The following EBF2 variants were observed in gnomAD, a reference collection of about 807,000 sequenced individuals.
EBF2 encodes the protein transcription factor COE2.
Under a neutral mutation model 72.8 loss-of-function variants are expected in EBF2, and 21 were observed. The observed-to-expected ratio is 0.29, with a 90% CI of 0.20 to 0.42. The LOEUF (loss-of-function observed/expected upper bound fraction) is 0.42. Ranked by LOEUF, EBF2 falls within the 10% of genes least tolerant of loss-of-function variation. The probability of loss-of-function intolerance (pLI) is 1.00; values close to 1 mark genes in which losing one functional copy is unlikely to be tolerated. For missense variants in EBF2, 637 were observed against 731.2 expected (o/e 0.87, Z 1.49); for synonymous variants, 299 against 274.2 (o/e 1.09, Z -0.89).
intron 6 of EBF2, among the ~76,000 whole-genome samples, chr8:25,914,756 C>T (rs905256467): frequency 1.3e-5 from 2 of 152,172 alleles, no homozygotes; most frequent in Non-Finnish European, 2.9e-5. Flanking sequence ...TTTTTGTAAG[C>T]TGATGTTCTA....
intron 14 of EBF2, 75 bp downstream of exon 14, chr8:25,858,244 T>A: frequency 6.4e-7 from 1 of 1,564,636 alleles, no homozygotes; most frequent in Admixed American, 1.7e-5. Flanking sequence ...AAATGCAACT[T>A]TCTCCCAAAA....
intron 6 of EBF2, among the ~76,000 whole-genome samples, chr8:25,978,706 G>A (rs529747898): frequency 1.9e-4 from 29 of 152,292 alleles, no homozygotes; most frequent in Admixed American, 7.2e-4. Context: ...CATGTGCTTT[G>A]CCCAAGGAAA....
intron 6 of EBF2, among the ~76,000 whole-genome samples, chr8:25,958,683 A>T (rs1222326087): frequency 2.6e-5 from 4 of 152,144 alleles, no homozygotes; most frequent in Admixed American, 2.6e-4. Context: ...GTGCTATTGG[A>T]ATCTGAGCCT....
At chr8:25,981,690 G>A (rs952483937) in intron 6 of EBF2, among the ~76,000 whole-genome samples, 1 of 151,814 alleles carries the variant, frequency 6.6e-6, no homozygotes, top group Admixed American at 6.6e-5. Flanking sequence ...CAGCTACTAG[G>A]GAGGCTGAGG....
intron 6 of EBF2, among the ~76,000 whole-genome samples, chr8:25,914,801 T>C (rs1417342251): frequency 6.6e-6 from 1 of 152,260 alleles, no homozygotes. Flanking sequence ...CCTCAAACTG[T>C]AAAAATAAAC....
At chr8:25,880,030 T>C (rs1317311327) in intron 10 of EBF2, among the ~76,000 whole-genome samples, 7 of 152,246 alleles carry the variant, frequency 4.6e-5, no homozygotes, top group African/African-American at 1.2e-4. Flanking sequence ...GCTAGCTTTC[T>C]ATTTGGATAT....
At chr8:25,959,996 C>T (rs1401360891) in intron 6 of EBF2, among the ~76,000 whole-genome samples, 1 of 152,208 alleles carries the variant, frequency 6.6e-6, no homozygotes, top group East Asian at 1.9e-4. Flanking sequence ...AATTCCCAGC[C>T]TATTCACCTT....
At chr8:25,855,275 T>C (rs1005958012) in intron 14 of EBF2, among the ~76,000 whole-genome samples, 2 of 152,036 alleles carry the variant, frequency 1.3e-5, no homozygotes, top group African/African-American at 4.8e-5. Flanking sequence ...AGCTAAGGGG[T>C]CTGTCAGCAT....
At chr8:25,906,220 A>G (rs1472340621) in intron 7 of EBF2, among the ~76,000 whole-genome samples, 2 of 152,224 alleles carry the variant, frequency 1.3e-5, no homozygotes, top group South Asian at 2.1e-4. Context: ...AAACTCTTTG[A>G]AAGTGCTGGT....
chr8:25,847,542 C>T (rs4288384), intron 15 of EBF2, among the ~76,000 whole-genome samples: 44,712 of 152,070 alleles, frequency 0.29, 6,738 homozygotes, highest in South Asian at 0.41. Context: ...TCGCCTCCTC[C>T]CAGCCAGGCT....
intron 2 of EBF2, 64 bp downstream of exon 2, chr8:26,042,031 A>C (rs542343373): frequency 1.3e-6 from 2 of 1,572,174 alleles, no homozygotes; most frequent in Non-Finnish European, 1.7e-6. Context: ...GACAGATGGA[A>C]TCTTTAGTGC....
chr8:25,866,687 A>G (rs563642660), intron 10 of EBF2, among the ~76,000 whole-genome samples: 37 of 143,964 alleles, frequency 2.6e-4, no homozygotes, highest in Admixed American at 1.9e-3. Flanking sequence ...GCTGGAGTGC[A>G]ATGGCATGAT....
chr8:25,853,155 T>A (rs1272158552), intron 14 of EBF2, among the ~76,000 whole-genome samples: 2 of 152,172 alleles, frequency 1.3e-5, no homozygotes, highest in African/African-American at 4.8e-5. Context: ...AAGACATTTT[T>A]AAAAGCAAAA....
At chr8:25,852,304 A>C (rs1801997686) in intron 14 of EBF2, among the ~76,000 whole-genome samples, 1 of 151,648 alleles carries the variant, frequency 6.6e-6, no homozygotes, top group Non-Finnish European at 1.5e-5. Context: ...GCATTAGTGA[A>C]ATAGAAAAAA....
chr8:25,903,238 T>A (rs1585189205), intron 7 of EBF2, among the ~76,000 whole-genome samples: 1 of 150,482 alleles, frequency 6.6e-6, no homozygotes, highest in Admixed American at 6.6e-5. Flanking sequence ...CTCACTACAT[T>A]CCCCAAGCAG....
chr8:25,930,353 CT>C (rs1294345223), intron 6 of EBF2, among the ~76,000 whole-genome samples: 1 of 152,152 alleles, frequency 6.6e-6, no homozygotes, highest in Non-Finnish European at 1.5e-5. Flanking sequence ...AGCTGTGTGA[CT>C]TTAGGGAAGT....
At chr8:25,846,563 A>G (rs1801840531) in intron 15 of EBF2, among the ~76,000 whole-genome samples, 1 of 152,118 alleles carries the variant, frequency 6.6e-6, no homozygotes, top group South Asian at 2.1e-4. Flanking sequence ...GTACATGCCT[A>G]TAGTCTTAGC....
intron 7 of EBF2, among the ~76,000 whole-genome samples, chr8:25,907,621 C>G (rs117691127): frequency 0.027 from 4,098 of 152,022 alleles, 80 homozygotes; most frequent in Middle Eastern, 0.058. Flanking sequence ...TTTAACCTTC[C>G]AGAACCTCGC....
intron 10 of EBF2, among the ~76,000 whole-genome samples, chr8:25,866,776 C>A (rs1802337400): frequency 6.6e-6 from 1 of 150,544 alleles, no homozygotes; most frequent in Admixed American, 6.7e-5. Flanking sequence ...GAATTACAGG[C>A]ATGCACCACC....
Sources: allele counts gnomAD v4.1 joint callset (sites outside exome capture counted in the v4.1 genomes callset), GRCh38; gene constraint gnomAD v4.1.1; transcripts MANE v1.5; gene names NCBI Gene and HGNC (gene_info 2026-07-23, HGNC 2026-07-21).